The following CPPED1 variants were observed in gnomAD, a reference collection of about 807,000 sequenced individuals.
CPPED1 encodes calcineurin like phosphoesterase domain containing 1, also known as serine/threonine-protein phosphatase CPPED1.
CPPED1 carries 28 observed loss-of-function variants against 28.0 expected under a neutral mutation model. The ratio of observed to expected loss-of-function variants is 1.00; its 90% CI spans 0.74 to 1.37. The LOEUF (loss-of-function observed/expected upper bound fraction) is 1.37, where lower values mean the gene tolerates loss of function less well. CPPED1 is among the 40% of genes most tolerant of loss of function. The pLI, the probability that CPPED1 is intolerant of heterozygous loss-of-function variation, is 0.00. For synonymous variants in CPPED1, 198 were observed against 180.2 expected (o/e 1.10, Z -0.79); for missense variants, 504 against 416.5 (o/e 1.21, Z -1.83).
chr16:12,685,657 C>G (rs1294474198), intron 3 of CPPED1, among the ~76,000 whole-genome samples: 30 of 152,116 alleles, frequency 2.0e-4, no homozygotes, highest in Non-Finnish European at 1.2e-4. Flanking sequence ...CTGGTTGCCT[C>G]TCACTATCCA....
intron 3 of CPPED1, among the ~76,000 whole-genome samples, chr16:12,684,132 C>G (rs565135935): frequency 3.9e-5 from 6 of 152,332 alleles, no homozygotes; most frequent in Middle Eastern, 3.4e-3. Context: ...TTCAGCCTGC[C>G]ATGCTAGTGC....
At chr16:12,751,672 T>C (rs1372830418) in intron 2 of CPPED1, among the ~76,000 whole-genome samples, 3 of 152,218 alleles carry the variant, frequency 2.0e-5, no homozygotes, top group African/African-American at 7.2e-5. Context: ...CATATGCCAC[T>C]GTTCTTTGCA....
At chr16:12,800,337 C>T (rs566749967) in intron 1 of CPPED1, among the ~76,000 whole-genome samples, 35 of 151,410 alleles carry the variant, frequency 2.3e-4, no homozygotes, top group Non-Finnish European at 4.4e-4. Flanking sequence ...ACTCGGGAGG[C>T]TGAAGCAGGA....
intron 2 of CPPED1, among the ~76,000 whole-genome samples, chr16:12,715,815 A>G (rs929694757): frequency 1.3e-5 from 2 of 152,210 alleles, no homozygotes; most frequent in Admixed American, 6.5e-5. Flanking sequence ...GGCATGAGCC[A>G]CCACTCTCAG....
intron 3 of CPPED1, among the ~76,000 whole-genome samples, chr16:12,669,636 T>A (rs971881546): frequency 6.6e-6 from 1 of 152,172 alleles, no homozygotes; most frequent in African/African-American, 2.4e-5. Context: ...TTTATAGATG[T>A]GTATATACAT....
chr16:12,733,188 T>C (rs1190225984), intron 2 of CPPED1, among the ~76,000 whole-genome samples: 2 of 152,092 alleles, frequency 1.3e-5, no homozygotes, highest in African/African-American at 4.8e-5. Flanking sequence ...GCCTACAATG[T>C]GGCTCTGTTG....
chr16:12,689,757 C>T (rs943051083), intron 3 of CPPED1, among the ~76,000 whole-genome samples: 4 of 151,962 alleles, frequency 2.6e-5, no homozygotes, highest in African/African-American at 9.7e-5. Context: ...CCTGAGAAGC[C>T]AATCATCAGA....
intron 1 of CPPED1, among the ~76,000 whole-genome samples, chr16:12,784,333 T>C (rs567828056): frequency 4.3e-4 from 66 of 152,292 alleles, no homozygotes; most frequent in Admixed American, 8.5e-4. Context: ...CCCCAACAGA[T>C]ACCTTGACTG....
intron 3 of CPPED1, among the ~76,000 whole-genome samples, chr16:12,681,215 C>T (rs999886267): frequency 1.3e-5 from 2 of 150,922 alleles, no homozygotes; most frequent in Non-Finnish European, 1.5e-5. Context: ...AGGGTAACAG[C>T]GTTGGGAGAT....
At chr16:12,788,528 T>C (rs2080577721) in intron 1 of CPPED1, among the ~76,000 whole-genome samples, 1 of 152,142 alleles carries the variant, frequency 6.6e-6, no homozygotes, top group African/African-American at 2.4e-5. Flanking sequence ...TCAGAGTTAC[T>C]GTAACCAGCC....
At chr16:12,701,613 G>T (rs1035485610) in intron 3 of CPPED1, among the ~76,000 whole-genome samples, 9 of 152,168 alleles carry the variant, frequency 5.9e-5, no homozygotes, top group Non-Finnish European at 1.0e-4. Context: ...TGACTGAGAA[G>T]GGCCCTGGAC....
intron 1 of CPPED1, among the ~76,000 whole-genome samples, chr16:12,800,682 A>ACCTC (rs2080654105): frequency 1.3e-5 from 2 of 151,854 alleles, no homozygotes; most frequent in South Asian, 4.2e-4. Context: ...AGTTACCACC[A>ACCTC]CCTCCCTCTC....
At chr16:12,739,708 CA>C (rs2080244436) in intron 2 of CPPED1, among the ~76,000 whole-genome samples, 2 of 152,118 alleles carry the variant, frequency 1.3e-5, no homozygotes, top group Non-Finnish European at 2.9e-5. Flanking sequence ...TAGAGGATGC[CA>C]AAGCAACAAC....
intron 1 of CPPED1, among the ~76,000 whole-genome samples, chr16:12,797,746 GT>G (rs1271373318): frequency 6.6e-6 from 1 of 151,996 alleles, no homozygotes; most frequent in Non-Finnish European, 1.5e-5. Context: ...TTTTAAGAAA[GT>G]TTAGGAATTT....
chr16:12,783,269 G>A (rs543997501), intron 1 of CPPED1, among the ~76,000 whole-genome samples: 10 of 152,286 alleles, frequency 6.6e-5, no homozygotes, highest in African/African-American at 1.2e-4. Context: ...AGGCCAAGGC[G>A]GGCAGATTAC....
At chr16:12,707,131 G>A (rs1170028603) in intron 2 of CPPED1, among the ~76,000 whole-genome samples, 1 of 152,188 alleles carries the variant, frequency 6.6e-6, no homozygotes, top group South Asian at 2.1e-4. Flanking sequence ...GGAAAGACAA[G>A]TCCTTTGTAG....
intron 1 of CPPED1, among the ~76,000 whole-genome samples, chr16:12,790,127 A>C (rs2080587639): frequency 1.3e-5 from 2 of 152,210 alleles, no homozygotes; most frequent in Admixed American, 1.3e-4. Context: ...ACCTGGAAGA[A>C]TTCACGCAAT....
intron 3 of CPPED1, among the ~76,000 whole-genome samples, chr16:12,669,462 G>C (rs1878709): frequency 6.6e-6 from 1 of 152,138 alleles, no homozygotes; most frequent in African/African-American, 2.4e-5. Context: ...TACTTCAAAA[G>C]AGTGCATTTT....
rs533860799 is a variant in CPPED1, at chr16:12,803,646, TC to T, written c.70+60del. The stretch of plus-strand genomic sequence containing the variant: ...CGGAGCGCACACCTGAACAAAAGGT[TC>T]CCCCGGCGGAAGGTTCCGCAGCCCC... On this transcript the variant is annotated intron_variant, in intron 1 of 3. Transcript: ENST00000381774. 347 of 1,345,158 alleles carry T rather than the reference TC, an allele frequency of 2.6e-4. 4 individuals are homozygous for T. In the South Asian group the frequency reaches 5.1e-3, roughly 20 times the overall value. The allele number at this position is 1,345,158 out of a possible 1,614,324, so 83.3% of individuals were successfully genotyped here.
Sources: gnomAD v4.1 joint callset for allele counts (sites outside exome capture counted in the v4.1 genomes callset) on GRCh38, gnomAD v4.1.1 for gene constraint, MANE v1.5 for transcripts, NCBI Gene and HGNC (gene_info 2026-07-23, HGNC 2026-07-21) for gene names.